ADAM19: variants seen among roughly 807,000 people sequenced by gnomAD.
ADAM19 encodes disintegrin and metalloproteinase domain-containing protein 19.
ADAM19 carries 65 observed loss-of-function variants against 114.7 expected under a neutral mutation model. The observed-to-expected ratio is 0.57, with a 90% CI of 0.46 to 0.70. The LOEUF (loss-of-function observed/expected upper bound fraction) is 0.70. ADAM19 is among the 30% of genes least tolerant of loss of function. The pLI is 0.00. For synonymous variants in ADAM19, 466 were observed against 460.5 expected, an observed-to-expected ratio of 1.01 and a Z score of -0.15; for missense variants, 1,063 against 1,204.7, an observed-to-expected ratio of 0.88 and a Z score of 1.74.
intron 3 of ADAM19, among the ~76,000 whole-genome samples, chr5:157,543,974 A>G (rs1309582616): frequency 6.6e-6 from 1 of 152,256 alleles, no homozygotes; most frequent in East Asian, 1.9e-4. Flanking sequence ...TTCAGAACCA[A>G]GATTTCTACA....
chr5:157,556,757 G>A (rs1455815821), intron 3 of ADAM19, among the ~76,000 whole-genome samples: 1 of 152,210 alleles, frequency 6.6e-6, no homozygotes, highest in African/African-American at 2.4e-5. Flanking sequence ...TCATGCTTGA[G>A]TTTCATTATA....
intron 5 of ADAM19, among the ~76,000 whole-genome samples, chr5:157,530,352 C>T (rs1300955334): frequency 6.6e-6 from 1 of 152,176 alleles, no homozygotes; most frequent in Non-Finnish European, 1.5e-5. Flanking sequence ...CTAGCCAATC[C>T]TAAACCTGCT....
chr5:157,504,843 A>AGCCAG (rs112325689), intron 11 of ADAM19, among the ~76,000 whole-genome samples: 4 of 151,210 alleles, frequency 2.6e-5, no homozygotes, highest in South Asian at 2.1e-4. Context: ...CCTCATGTCC[A>AGCCAG]GCGCGGTGGC....
intron 10 of ADAM19, among the ~76,000 whole-genome samples, chr5:157,506,849 G>A (rs920994943): frequency 1.2e-4 from 18 of 152,048 alleles, no homozygotes; most frequent in African/African-American, 3.9e-4. Context: ...TTGAAGATAC[G>A]GAATGAACTA....
At chr5:157,483,106 T>G (rs1754810943) in intron 21 of ADAM19, among the ~76,000 whole-genome samples, 1 of 152,168 alleles carries the variant, frequency 6.6e-6, no homozygotes. Context: ...AAATGCCTAA[T>G]GTAGATGACG....
chr5:157,511,706 A>T (rs945707100), intron 8 of ADAM19, among the ~76,000 whole-genome samples: 5 of 152,216 alleles, frequency 3.3e-5, no homozygotes, highest in Admixed American at 6.5e-5. Context: ...ACTCAGCACG[A>T]GTCCAATTCA....
chr5:157,573,932 T>C (rs1206165250), intron 1 of ADAM19, among the ~76,000 whole-genome samples: 2 of 152,240 alleles, frequency 1.3e-5, no homozygotes, highest in Non-Finnish European at 2.9e-5. Context: ...TTTACTCTCC[T>C]GTTTGCTACC....
At chr5:157,510,567 A>G (rs1755888024) in intron 8 of ADAM19, among the ~76,000 whole-genome samples, 1 of 152,186 alleles carries the variant, frequency 6.6e-6, no homozygotes, top group African/African-American at 2.4e-5. Context: ...ATTGATAGTC[A>G]TTTCCCATTC....
chr5:157,515,533 T>C (rs1231805507), intron 7 of ADAM19, among the ~76,000 whole-genome samples: 1 of 152,226 alleles, frequency 6.6e-6, no homozygotes, highest in Non-Finnish European at 1.5e-5. Context: ...TACAGACACC[T>C]GTATATATAA....
intron 3 of ADAM19, among the ~76,000 whole-genome samples, chr5:157,556,996 A>T (rs562245463): frequency 0.12 from 18,697 of 151,942 alleles, 1,200 homozygotes; most frequent in Middle Eastern, 0.25. Context: ...TCCTCCCACT[A>T]AAGCTTCCTG....
chr5:157,498,986 C>T (rs754153570), intron 13 of ADAM19, among the ~76,000 whole-genome samples: 7 of 151,920 alleles, frequency 4.6e-5, no homozygotes, highest in African/African-American at 9.7e-5. Flanking sequence ...TGTGGTTCTA[C>T]GGTAACACTA....
intron 3 of ADAM19, among the ~76,000 whole-genome samples, chr5:157,559,335 C>T (rs956715592): frequency 2.6e-5 from 4 of 152,164 alleles, no homozygotes; most frequent in African/African-American, 9.7e-5. Context: ...AAATGAGAGT[C>T]CTAGAATGTG....
At chr5:157,511,605 A>G (rs1245339079) in intron 8 of ADAM19, among the ~76,000 whole-genome samples, 2 of 152,144 alleles carry the variant, frequency 1.3e-5, no homozygotes, top group Non-Finnish European at 2.9e-5. Context: ...TTCAGATTCC[A>G]ATTTGAATTT....
At chr5:157,512,518 T>C (rs908859769) in intron 8 of ADAM19, among the ~76,000 whole-genome samples, 1 of 152,200 alleles carries the variant, frequency 6.6e-6, no homozygotes, top group African/African-American at 2.4e-5. Flanking sequence ...AAAACTACTT[T>C]TAAAAACTAT....
rs748464152 is a variant in ADAM19 at position 157,491,639 on chromosome 5, C to T, written c.2071G>A (p.Asp691Asn). The change falls in exon 18 of 23, where the codon GAC (aspartate) becomes AAC (asparagine). Residue 691 changes from aspartate to asparagine, a missense_variant. Asp to Asn is a conservative substitution (Grantham distance 23). Coordinates refer to ENST00000257527, the MANE Select transcript of ADAM19 (RefSeq NM_033274.5). Reference sequence around the variant, plus strand: ...CTCTCAGGGGGCATAGGCCCACTGTCGATACTGCCCCCGTGGCCCGGTGTG... The same window carrying T: ...CTCTCAGGGGGCATAGGCCCACTGTTGATACTGCCCCCGTGGCCCGGTGTG... ...CNTPGHGGSI[D>N]SGPMPPESVG... is the part of the protein sequence containing the mutation. 7 of 1,542,682 alleles carry T rather than the reference C, an allele frequency of 4.5e-6. No homozygotes were observed. Among genetic ancestry groups the T allele is most frequent in the African/African-American group, 2.7e-5 (2 of 72,952 alleles).
At chr5:157,481,739 C>A in intron 22 of ADAM19, 52 bp downstream of exon 22, 1 of 1,552,686 alleles carries the variant, frequency 6.4e-7, no homozygotes, top group Non-Finnish European at 8.7e-7. Context: ...CACCTGCCCC[C>A]CTGGAGCCCT....
intron 2 of ADAM19, among the ~76,000 whole-genome samples, chr5:157,565,555 A>G (rs931342603): frequency 7.9e-5 from 12 of 151,984 alleles, no homozygotes; most frequent in Admixed American, 7.2e-4. Flanking sequence ...CCAAAAATAC[A>G]AAAATTAGCC....
At chr5:157,497,304 C>A (rs926504459) in intron 13 of ADAM19, among the ~76,000 whole-genome samples, 1 of 152,236 alleles carries the variant, frequency 6.6e-6, no homozygotes, top group African/African-American at 2.4e-5. Flanking sequence ...TGCTAACTCA[C>A]TTTCTCTTCA....
chr5:157,520,090 G>A (rs1003492239), intron 5 of ADAM19, 59 bp from the exon 6 acceptor site: 2 of 1,516,930 alleles, frequency 1.3e-6, no homozygotes, highest in Non-Finnish European at 1.8e-6. Context: ...AAAGTCCCTT[G>A]TGTAGGTCTT....
Sources: allele counts gnomAD v4.1 joint callset (sites outside exome capture counted in the v4.1 genomes callset), GRCh38; gene constraint gnomAD v4.1.1; transcripts MANE v1.5; gene names NCBI Gene and HGNC (gene_info 2026-07-23, HGNC 2026-07-21).